The following ZNF618 variants were observed in gnomAD, a reference collection of about 807,000 sequenced individuals.
ZNF618 encodes the protein neural precursor cell expressed, developmentally down-regulated 10.
ZNF618 carries 34 observed loss-of-function variants against 103.0 expected under a neutral mutation model. The observed-to-expected ratio is 0.33, with a 90% CI of 0.25 to 0.44. The LOEUF is 0.44. ZNF618 is among the 20% of genes least tolerant of loss of function. The pLI is 1.00. For synonymous variants in ZNF618, 551 were observed against 542.2 expected (o/e 1.02, Z -0.23); for missense variants, 1,059 against 1,295.4 (o/e 0.82, Z 2.80).
intron 1 of ZNF618, among the ~76,000 whole-genome samples, chr9:113,911,539 G>A (rs1831547914): frequency 6.6e-6 from 1 of 151,800 alleles, no homozygotes; most frequent in South Asian, 2.1e-4. Context: ...GTGTTATCTA[G>A]GATGGTCTCG....
At chr9:113,968,044 A>T (rs1399079170) in intron 1 of ZNF618, among the ~76,000 whole-genome samples, 1 of 152,218 alleles carries the variant, frequency 6.6e-6, no homozygotes, top group Non-Finnish European at 1.5e-5. Context: ...GTTTTATTTC[A>T]GGTCCTCAGT....
intron 3 of ZNF618, among the ~76,000 whole-genome samples, chr9:113,992,107 A>G (rs188793103): frequency 3.9e-5 from 6 of 152,318 alleles, no homozygotes; most frequent in Admixed American, 3.3e-4. Flanking sequence ...CAAGATGGCA[A>G]GTAGATTTTG....
At position 114,051,763 on chromosome 9, in the gene ZNF618, C is replaced by T. The variant is rs1425184453; in HGVS notation, c.*1596C>T. The T allele has an allele frequency of 6.6e-6, 1 of 152,416 alleles. No individual in the cohort carries two copies. Among genetic ancestry groups the T allele is most frequent in the Non-Finnish European group, 1.5e-5 (1 of 68,200 alleles). 9.4% of individuals were successfully genotyped at this position (152,416 alleles called of 1,614,324 possible). ...AAAGATGTCTTCAGGCTTTTCTCTC[C>T]TGTTCCCCCAGCTGTGAGCAAATTA... On this transcript the variant is annotated 3_prime_UTR_variant, in exon 15 of 15. Coordinates refer to ENST00000374126, the MANE Select transcript of ZNF618 (RefSeq NM_001318042.2).
At position 114,055,993 on chromosome 9, in the gene ZNF618, C is replaced by T. The variant is rs954064186; in HGVS notation, c.*5826C>T. On this transcript the variant is annotated 3_prime_UTR_variant, in exon 15 of 15. Coordinates refer to ENST00000374126, the MANE Select transcript of ZNF618 (RefSeq NM_001318042.2). ...CTGTATTTAAAAAAAAAAAAAGTTA[C>T]CTATTGTCACACTTGCTGTGTTAAT... is the stretch of plus-strand genomic sequence containing the variant. 5 of 151,612 alleles carry T rather than the reference C, an allele frequency of 3.3e-5. No homozygotes were observed. In the East Asian group the frequency reaches 9.7e-4, roughly 30 times the overall value. The allele number at this position is 151,612 out of a possible 1,614,324, so 9.4% of individuals were successfully genotyped here.
At chr9:113,923,604 A>G (rs1229994901) in intron 1 of ZNF618, among the ~76,000 whole-genome samples, 1 of 152,156 alleles carries the variant, frequency 6.6e-6, no homozygotes, top group Non-Finnish European at 1.5e-5. Flanking sequence ...TTCAAGTGGT[A>G]AACCAGTCTT....
rs3748184 is a variant in ZNF618 at position 114,008,375 on chromosome 9, G to A, written c.672G>A (p.Arg224=). ...GTGTGGAAGGGGCCCCTGAGAACCG[G>A]GCAGGTAAGTCCTTGGTGTCTGCTT... ...VFSVEGAPEN[R]ADPFDQGVVA... Residue 224 remains arginine (R), a synonymous_variant, in exon 8 of 15, where the codon CGG becomes CGA. Transcript: ENST00000374126. 7 of 1,613,860 alleles carry A rather than the reference G, an allele frequency of 4.3e-6. No individual in the cohort carries two copies. The African/African-American group carries it at 9.3e-5, about 22-fold the overall frequency.
intron 2 of ZNF618, 113 bp downstream of exon 2, chr9:113,969,273 C>A: frequency 1.5e-6 from 2 of 1,327,626 alleles, no homozygotes; most frequent in Non-Finnish European, 2.2e-6. Flanking sequence ...GTGGTCCAGG[C>A]CAGCCCTCCT....
intron 1 of ZNF618, among the ~76,000 whole-genome samples, chr9:113,929,617 T>C (rs1833397988): frequency 6.6e-6 from 1 of 152,170 alleles, no homozygotes. Context: ...CTGCCTCTTG[T>C]CAGGGACAAA....
chr9:113,931,958 C>A (rs1833626936), intron 1 of ZNF618, among the ~76,000 whole-genome samples: 2 of 152,146 alleles, frequency 1.3e-5, no homozygotes, highest in African/African-American at 4.8e-5. Context: ...TTGATTCATT[C>A]ATTTGTGAAT....
At chr9:114,023,221 C>T (rs897017493) in intron 10 of ZNF618, among the ~76,000 whole-genome samples, 1 of 151,634 alleles carries the variant, frequency 6.6e-6, no homozygotes, top group African/African-American at 2.4e-5. Flanking sequence ...ATTTTCGTGC[C>T]TTCTTTAGTA....
At chr9:114,034,829 G>C (rs1844439231) in intron 12 of ZNF618, among the ~76,000 whole-genome samples, 2 of 152,216 alleles carry the variant, frequency 1.3e-5, no homozygotes, top group South Asian at 4.1e-4. Flanking sequence ...CCTGGTGCCA[G>C]AACCTAGAAG....
chr9:113,890,609 C>T (rs897413679), intron 1 of ZNF618, among the ~76,000 whole-genome samples: 2 of 152,232 alleles, frequency 1.3e-5, no homozygotes, highest in African/African-American at 2.4e-5. Flanking sequence ...GTGTGATCAT[C>T]TCCTTAACAT....
At chr9:113,913,874 G>T (rs1223729245) in intron 1 of ZNF618, among the ~76,000 whole-genome samples, 4 of 152,174 alleles carry the variant, frequency 2.6e-5, no homozygotes, top group African/African-American at 9.7e-5. Context: ...TGTGGCTCAG[G>T]CTGTATGCTC....
At chr9:113,974,672 G>A (rs1489402999) in intron 2 of ZNF618, among the ~76,000 whole-genome samples, 2 of 152,092 alleles carry the variant, frequency 1.3e-5, no homozygotes, top group Non-Finnish European at 2.9e-5. Context: ...ACAGCCTCCT[G>A]TGTGTTTCTT....
chr9:114,019,763 T>A, intron 10 of ZNF618, among the ~76,000 whole-genome samples: 1 of 152,330 alleles, frequency 6.6e-6, no homozygotes, highest in East Asian at 1.9e-4. Context: ...GCCAGATACA[T>A]GTACTGTGGA....
At chr9:114,034,077 C>A (rs1844356025) in intron 12 of ZNF618, among the ~76,000 whole-genome samples, 1 of 152,178 alleles carries the variant, frequency 6.6e-6, no homozygotes, top group African/African-American at 2.4e-5. Flanking sequence ...CACACAGCCC[C>A]GTGGTGGTTG....
chr9:113,938,459 G>C (rs1834229233), intron 1 of ZNF618, among the ~76,000 whole-genome samples: 1 of 152,024 alleles, frequency 6.6e-6, no homozygotes, highest in Admixed American at 6.5e-5. Flanking sequence ...TGGGATTATA[G>C]GCGTGAGCCA....
intron 3 of ZNF618, among the ~76,000 whole-genome samples, chr9:113,995,638 A>G (rs1329330362): frequency 6.6e-6 from 1 of 152,168 alleles, no homozygotes; most frequent in Non-Finnish European, 1.5e-5. Flanking sequence ...CAGAAATCAC[A>G]CAGGGGTCTA....
intron 13 of ZNF618, 93 bp downstream of exon 13, chr9:114,036,470 G>A: frequency 7.5e-7 from 1 of 1,337,400 alleles, no homozygotes; most frequent in Middle Eastern, 1.8e-4. Flanking sequence ...CCTGGAGAAG[G>A]CCGCTCTTTC....
Sources: gnomAD v4.1 joint callset for allele counts (sites outside exome capture counted in the v4.1 genomes callset) on GRCh38, gnomAD v4.1.1 for gene constraint, MANE v1.5 for transcripts, NCBI Gene and HGNC (gene_info 2026-07-23, HGNC 2026-07-21) for gene names.